The following SLC2A2 variants were observed in gnomAD, a reference collection of about 807,000 sequenced individuals.
The protein encoded by SLC2A2 is solute carrier family 2 member 2.
In SLC2A2, 36 loss-of-function variants were observed where a neutral mutation model predicts 54.5. The observed-to-expected ratio is 0.66, with a 90% CI of 0.51 to 0.87. The LOEUF (loss-of-function observed/expected upper bound fraction) is 0.87. Among genes scored for constraint, SLC2A2 ranks in the 40% least tolerant of loss-of-function variants. SLC2A2 has a pLI of 0.00. For missense variants in SLC2A2, 543 were observed against 624.3 expected (o/e 0.87, Z 1.39); for synonymous variants, 223 against 219.1 (o/e 1.02, Z -0.16).
chr3:171,005,143 C>T (rs1715530740), intron 7 of SLC2A2, 142 bp downstream of exon 7: 1 of 730,088 alleles, frequency 1.4e-6, no homozygotes, highest in Non-Finnish European at 2.4e-6. Context: ...GAAATTAATG[C>T]TTACTCAATG....
chr3:171,019,112 TATATATATATAC>T lies in SLC2A2; in HGVS notation c.16-501_16-490del, dbSNP rs1471822839. Among the ~76,000 whole-genome samples, 70 of 5,834 alleles carry T rather than the reference TATATATATATAC, an allele frequency of 0.012. 1 individual carries two copies. In the South Asian group the frequency reaches 0.19, roughly 16 times the overall value. The allele number at this position is 5,834 out of a possible 152,430, so 3.8% of individuals were successfully genotyped here. On this transcript the variant is annotated intron_variant, in intron 1 of 10. Transcript: ENST00000314251. ...GTGTGTGTGTGTATATATATATATA[TATATATATATAC>T]GTATGTATATATATATATATATATA...
Position 171,014,615 on chromosome 3 carries a change from G to A in SLC2A2, c.225C>T (p.Asn75=). 1.9e-6 allele frequency: 3 copies of A among 1,614,134 alleles called. No homozygotes were observed. Among genetic ancestry groups the A allele is most frequent in the Non-Finnish European group, 2.5e-6 (3 of 1,180,028 alleles). ...CCTCAGCCCAAGGGGTTGGTTTTGG[G>A]TTCATTGAGTATGAGATTGTGGGCA... ...DELPTISYSM[N]PKPTPWAEEE... The change falls in exon 3 of 11, where the codon AAC becomes AAT. Residue 75 remains asparagine, a synonymous_variant. Coordinates refer to ENST00000314251, the MANE Select transcript of SLC2A2 (RefSeq NM_000340.2).
rs1715089689 is a variant in SLC2A2, at chr3:170,996,617, T to A, written c.*1286A>T. Reference sequence around the variant, plus strand: ...ATATTTCCATAATTGTAAAATTGACTGTAAGCTAAAGTCTGTTTAATCATC... The same window carrying A: ...ATATTTCCATAATTGTAAAATTGACAGTAAGCTAAAGTCTGTTTAATCATC... On this transcript the variant is annotated 3_prime_UTR_variant, in exon 11 of 11. Coordinates refer to ENST00000314251, the MANE Select transcript of SLC2A2 (RefSeq NM_000340.2). 2.5e-6 allele frequency: 1 copy of A among 398,032 alleles called. No homozygotes were observed. Among genetic ancestry groups the A allele is most frequent in the Non-Finnish European group, 4.4e-6 (1 of 225,636 alleles). 24.7% of individuals were successfully genotyped at this position (398,032 alleles called of 1,614,324 possible).
At chr3:170,999,990 C>T (rs1424765207) in intron 8 of SLC2A2, among the ~76,000 whole-genome samples, 2 of 151,974 alleles carry the variant, frequency 1.3e-5, no homozygotes, top group African/African-American at 4.8e-5. Flanking sequence ...AGTCACTCTC[C>T]CCCTCACCCC....
At chr3:171,001,327 T>A (rs528607954) in intron 8 of SLC2A2, among the ~76,000 whole-genome samples, 5 of 152,100 alleles carry the variant, frequency 3.3e-5, no homozygotes, top group Non-Finnish European at 7.4e-5. Flanking sequence ...AATAGTCCCT[T>A]GGATTGCACT....
intron 1 of SLC2A2, among the ~76,000 whole-genome samples, chr3:171,023,210 G>A (rs1716542110): frequency 6.6e-6 from 1 of 152,146 alleles, no homozygotes; most frequent in Non-Finnish European, 1.5e-5. Context: ...TTACCAGGTT[G>A]GTCAGATAAG....
chr3:171,014,838 T>C, intron 2 of SLC2A2, 107 bp from the exon 3 acceptor site: 1 of 855,756 alleles, frequency 1.2e-6, no homozygotes, highest in South Asian at 1.5e-5. Flanking sequence ...CTCAATTATG[T>C]GTTTTATATA....
rs1166181406 is a variant in SLC2A2 at position 171,005,926 on chromosome 3, A to ACC, written c.775+15_775+16dup. 6.2e-7 allele frequency: 1 copy of ACC among 1,610,000 alleles called. No individual in the cohort carries two copies. On this transcript the variant is annotated intron_variant, in intron 6 of 10. Transcript: ENST00000314251. ...GCCAAAACAATAGGAAGAAAGAAAA[A>ACC]CCATCCACAGACTTACTTTGTTTTG...
At chr3:171,015,697 T>C (rs1037637256) in intron 2 of SLC2A2, among the ~76,000 whole-genome samples, 2 of 152,126 alleles carry the variant, frequency 1.3e-5, no homozygotes, top group South Asian at 2.1e-4. Flanking sequence ...GATTTACCAG[T>C]AAACTTCCTA....
In SLC2A2 at chr3:171,019,151, A is replaced by C. The variant is rs998667321; in HGVS notation, c.16-528T>G. On this transcript the variant is annotated intron_variant, in intron 1 of 10. Transcript: ENST00000314251. ...TATGTATATATATATATATATATAT[A>C]TATACGTATGTATATATATTCAGAA... Among the ~76,000 whole-genome samples, 183 of 86,136 alleles carry C rather than the reference A, an allele frequency of 2.1e-3. 2 individuals carry two copies. Among genetic ancestry groups the C allele is most frequent in the Non-Finnish European group, 7.7e-4 (35 of 45,262 alleles). 56.5% of individuals were successfully genotyped at this position (86,136 alleles called of 152,430 possible).
At position 170,996,663 on chromosome 3, in the gene SLC2A2, A is replaced by C. The variant is rs997578553; in HGVS notation, c.*1240T>G. The C allele has an allele frequency of 1.5e-5, 6 of 397,854 alleles. No individual in the cohort carries two copies. Among genetic ancestry groups the C allele is most frequent in the Non-Finnish European group, 2.7e-5 (6 of 225,624 alleles). The allele number at this position is 397,854 out of a possible 1,614,324, so 24.6% of individuals were successfully genotyped here. ...TCATCTGTGTATTTCCAATTTGCCT[A>C]TGTAGGTAAAGGCAGATAGATAGTG... On this transcript the variant is annotated 3_prime_UTR_variant, in exon 11 of 11. Transcript: ENST00000314251.
intron 2 of SLC2A2, among the ~76,000 whole-genome samples, chr3:171,018,110 T>C (rs938459788): frequency 6.6e-6 from 1 of 152,306 alleles, no homozygotes; most frequent in Non-Finnish European, 1.5e-5. Flanking sequence ...AAGTACCTGA[T>C]GCAAATAAGC....
rs1265286809 is a variant in SLC2A2 at position 171,014,862 on chromosome 3, A to T, written c.109-131T>A. The T allele has an allele frequency of 1.2e-5, 9 of 737,096 alleles. No homozygotes were observed. The Admixed American group carries it at 1.7e-4, about 14-fold the overall frequency. 45.7% of individuals were successfully genotyped at this position (737,096 alleles called of 1,614,324 possible). On this transcript the variant is annotated intron_variant, in intron 2 of 10. Transcript: ENST00000314251. Reference sequence around the variant, plus strand: ...GTGTTTTATATACATATAAACATGGATAGATTTGTTTACAGTTGGCCATAT... The same window carrying T: ...GTGTTTTATATACATATAAACATGGTTAGATTTGTTTACAGTTGGCCATAT...
chr3:171,007,381 G>C, intron 4 of SLC2A2, 118 bp from the exon 5 acceptor site: 1 of 707,032 alleles, frequency 1.4e-6, no homozygotes, highest in South Asian at 1.5e-5. Context: ...TCACTGGAAG[G>C]ATGAACCCTT....
intron 5 of SLC2A2, 139 bp downstream of exon 5, chr3:171,007,009 C>G (rs965859917): frequency 1.4e-6 from 1 of 699,812 alleles, no homozygotes; most frequent in Non-Finnish European, 2.7e-6. Flanking sequence ...CTGTGCTGGT[C>G]TACAGTGAGA....
intron 1 of SLC2A2, among the ~76,000 whole-genome samples, chr3:171,023,357 T>G (rs529358432): frequency 6.6e-6 from 1 of 152,360 alleles, no homozygotes; most frequent in East Asian, 1.9e-4. Context: ...TCTTTTATTT[T>G]CAGGTTTAAT....
At position 171,018,581 on chromosome 3, in the gene SLC2A2, C is replaced by A. The variant is rs2108262047; in HGVS notation, c.58G>T (p.Gly20Cys). The A allele has an allele frequency of 1.9e-6, 3 of 1,614,030 alleles. No individual in the cohort carries two copies. The highest frequency in any genetic ancestry group is 8.5e-7 in the Non-Finnish European group (1 of 1,179,908). Residue 20 changes from glycine to cysteine, a missense_variant, in exon 2 of 11, where the codon GGT becomes TGT. Transcript: ENST00000314251. ...ATGTCATATCCAAACTGGAAGGAAC[C>A]CAGCACAGCAGTGATGACAGTGAAA... ...LVFTVITAVL[G>C]SFQFGYDIGV... is the part of the protein sequence containing the mutation.
chr3:171,003,247 T>C (rs552232178), intron 7 of SLC2A2, among the ~76,000 whole-genome samples: 1 of 152,128 alleles, frequency 6.6e-6, no homozygotes, highest in East Asian at 1.9e-4. Flanking sequence ...TCATCCTTAT[T>C]GTGTATTGTA....
In SLC2A2 at chr3:171,019,097, G is replaced by GTATATATATATGTGTGTGTGTGTA. The variant is rs1716311346; in HGVS notation, c.16-475_16-474insTACACACACACACATATATATATA. Among the ~76,000 whole-genome samples the GTATATATATATGTGTGTGTGTGTA allele has an allele frequency of 2.3e-3, 46 of 20,124 alleles. No individual in the cohort carries two copies. The East Asian group carries it at 0.03, about 13-fold the overall frequency. 13.2% of individuals were successfully genotyped at this position (20,124 alleles called of 152,430 possible). A position where few individuals can be genotyped will look rare whatever the true frequency, so the allele number is the denominator to read the frequency against. On this transcript the variant is annotated intron_variant, in intron 1 of 10. Transcript: ENST00000314251. ...TGTGTATATATATATGTGTGTGTGT[G>GTATATATATATGTGTGTGTGTGTA]TATATATATATATATATATATATAT...
Sources: allele counts gnomAD v4.1 joint callset (sites outside exome capture counted in the v4.1 genomes callset), GRCh38; gene constraint gnomAD v4.1.1; transcripts MANE v1.5; gene names NCBI Gene and HGNC (gene_info 2026-07-23, HGNC 2026-07-21).